Variants in LHFPL2 observed in about 807,000 individuals in gnomAD.
The protein encoded by LHFPL2 is LHFPL tetraspan subfamily member 2 protein.
Under a neutral mutation model 17.5 loss-of-function variants are expected in LHFPL2, and 7 were observed. The ratio of observed to expected loss-of-function variants is 0.40; its 90% CI spans 0.23 to 0.75. The LOEUF is 0.75. LHFPL2 is among the 30% of genes least tolerant of loss of function. The pLI, the probability that LHFPL2 is intolerant of heterozygous loss-of-function variation, is 0.37. For synonymous variants in LHFPL2, 134 were observed against 116.2 expected (o/e 1.15, Z -0.99); for missense variants, 241 against 294.8 (o/e 0.82, Z 1.34).
Position 78,584,315 on chromosome 5 carries a change from G to A in LHFPL2, c.-244-19444C>T, listed in dbSNP as rs1237289998. 1.3e-3 allele frequency among the ~76,000 whole-genome samples: 194 copies of A among 152,128 alleles called. 1 individual carries two copies. Among genetic ancestry groups the A allele is most frequent in the Admixed American group, 1.7e-3 (26 of 15,282 alleles). On this transcript the variant is annotated intron_variant, in intron 2 of 4. Transcript: ENST00000380345. Reference sequence around the variant, plus strand: ...GTCATTCTCCATCCAGCTTTGTTCCGTTGCTGGTGAGGAACTGCATTCCTT... The same window carrying A: ...GTCATTCTCCATCCAGCTTTGTTCCATTGCTGGTGAGGAACTGCATTCCTT...
chr5:78,647,721 A>G (rs145254211), intron 1 of LHFPL2, among the ~76,000 whole-genome samples: 3 of 152,268 alleles, frequency 2.0e-5, no homozygotes, highest in African/African-American at 7.2e-5. Flanking sequence ...ATGGACTTTC[A>G]TGGAACTCAT....
At position 78,635,727 on chromosome 5, in the gene LHFPL2, C is replaced by T. The variant is rs182925016; in HGVS notation, c.-349-3359G>A. On this transcript the variant is annotated intron_variant, in intron 1 of 4. Coordinates refer to ENST00000380345, the MANE Select transcript of LHFPL2 (RefSeq NM_005779.3). ...CTGAGGCAGGAGAATGGTGTGAACC[C>T]GGGAGGCAGAGCTTGCAGTGAGCCG... Among the ~76,000 whole-genome samples, 1,339 of 152,188 alleles carry T rather than the reference C, an allele frequency of 8.8e-3. 8 individuals are homozygous for T. Among genetic ancestry groups the T allele is most frequent in the Non-Finnish European group, 0.015 (1,031 of 68,000 alleles).
intron 3 of LHFPL2, among the ~76,000 whole-genome samples, chr5:78,541,733 A>G (rs538981048): frequency 2.2e-4 from 33 of 152,324 alleles, no homozygotes; most frequent in African/African-American, 7.9e-4. Flanking sequence ...ACATAAATCC[A>G]TAAAATACTG....
In LHFPL2 at chr5:78,564,258, C is replaced by CA. The variant is rs1259626427; in HGVS notation, c.-186+554dup. On this transcript the variant is annotated intron_variant, in intron 3 of 4. Coordinates refer to ENST00000380345, the MANE Select transcript of LHFPL2 (RefSeq NM_005779.3). ...TTGATTTTCTTAAATGTGTACTGTACAAGATTACTCAACCTCTATTATCGT... is the reference window on the plus strand; with the variant it reads ...TTGATTTTCTTAAATGTGTACTGTACAAAGATTACTCAACCTCTATTATCGT... Among the ~76,000 whole-genome samples, 3 of 152,128 alleles carry CA rather than the reference C, an allele frequency of 2.0e-5. No individual in the cohort carries two copies. The East Asian group carries it at 5.8e-4, about 29-fold the overall frequency.
At chr5:78,642,589 C>T (rs1745708683) in intron 1 of LHFPL2, among the ~76,000 whole-genome samples, 1 of 152,126 alleles carries the variant, frequency 6.6e-6, no homozygotes, top group South Asian at 2.1e-4. Context: ...AGTTAGTAAA[C>T]CTCAACACGC....
intron 3 of LHFPL2, among the ~76,000 whole-genome samples, chr5:78,520,642 C>T (rs947097141): frequency 2.7e-5 from 4 of 150,714 alleles, no homozygotes; most frequent in Non-Finnish European, 5.9e-5. Flanking sequence ...GCAGCCATGG[C>T]CAGGGCACAC....
chr5:78,554,969 A>G (rs1756534891), intron 3 of LHFPL2, among the ~76,000 whole-genome samples: 3 of 152,224 alleles, frequency 2.0e-5, no homozygotes, highest in South Asian at 4.1e-4. Context: ...ACAAATCATC[A>G]TATTTTCATC....
chr5:78,569,457 G>A lies in LHFPL2; in HGVS notation c.-244-4586C>T, dbSNP rs577099373. Among the ~76,000 whole-genome samples the A allele has an allele frequency of 1.2e-4, 18 of 152,278 alleles. No homozygotes were observed. In the South Asian group the frequency reaches 1.2e-3, roughly 11 times the overall value. ...CATTTCTGCAGCCAAAGCATTAATCGTTGCTCCAGAACTAGGCTGGTGTAA... is the reference window on the plus strand; with the variant it reads ...CATTTCTGCAGCCAAAGCATTAATCATTGCTCCAGAACTAGGCTGGTGTAA... On this transcript the variant is annotated intron_variant, in intron 2 of 4. Coordinates refer to ENST00000380345, the MANE Select transcript of LHFPL2 (RefSeq NM_005779.3).
chr5:78,570,204 A>C (rs1359114591), intron 2 of LHFPL2, among the ~76,000 whole-genome samples: 5 of 152,236 alleles, frequency 3.3e-5, no homozygotes, highest in African/African-American at 1.2e-4. Flanking sequence ...TTTACTGAAT[A>C]AACAAAAGGA....
intron 3 of LHFPL2, among the ~76,000 whole-genome samples, chr5:78,547,199 A>G (rs1333458066): frequency 6.6e-6 from 1 of 152,150 alleles, no homozygotes; most frequent in Non-Finnish European, 1.5e-5. Context: ...GAACCCTAAG[A>G]GGCTCACCGG....
chr5:78,610,976 A>T (rs1744405993), intron 2 of LHFPL2, among the ~76,000 whole-genome samples: 1 of 152,166 alleles, frequency 6.6e-6, no homozygotes, highest in Admixed American at 6.5e-5. Flanking sequence ...AGCCACAGGC[A>T]CAGGGAGTGG....
chr5:78,526,494 C>T (rs1755625071), intron 3 of LHFPL2, among the ~76,000 whole-genome samples: 1 of 152,210 alleles, frequency 6.6e-6, no homozygotes, highest in African/African-American at 2.4e-5. Context: ...TTCTTCTGAA[C>T]CCATGTTATA....
At chr5:78,579,117 C>T (rs10077632) in intron 2 of LHFPL2, among the ~76,000 whole-genome samples, 56,938 of 151,978 alleles carry the variant, frequency 0.37, 11,467 homozygotes, top group Middle Eastern at 0.47. Context: ...GCAAAAGAAA[C>T]AGATGAAAAT....
At chr5:78,637,667 T>C (rs1745503491) in intron 1 of LHFPL2, among the ~76,000 whole-genome samples, 1 of 152,234 alleles carries the variant, frequency 6.6e-6, no homozygotes, top group African/African-American at 2.4e-5. Context: ...GCCTATTCCA[T>C]AGTCTCTTTC....
At chr5:78,560,101 A>T (rs950866241) in intron 3 of LHFPL2, among the ~76,000 whole-genome samples, 20 of 152,222 alleles carry the variant, frequency 1.3e-4, no homozygotes, top group African/African-American at 4.8e-4. Flanking sequence ...GGCACCAACT[A>T]CAGAGGAACA....
chr5:78,531,473 A>T (rs963109658), intron 3 of LHFPL2, among the ~76,000 whole-genome samples: 4 of 152,154 alleles, frequency 2.6e-5, no homozygotes, highest in African/African-American at 9.7e-5. Context: ...TTTTAAAATA[A>T]AGATAGCATC....
At chr5:78,514,937 T>C (rs1056726460) in intron 3 of LHFPL2, among the ~76,000 whole-genome samples, 1 of 152,214 alleles carries the variant, frequency 6.6e-6, no homozygotes, top group Non-Finnish European at 1.5e-5. Context: ...TTTCCCGTAT[T>C]TGTTCCATCA....
At chr5:78,543,689 G>A (rs1244006105) in intron 3 of LHFPL2, among the ~76,000 whole-genome samples, 1 of 152,168 alleles carries the variant, frequency 6.6e-6, no homozygotes, top group African/African-American at 2.4e-5. Flanking sequence ...AGGATACAGG[G>A]GACCAAGGTG....
chr5:78,523,274 T>C (rs910169005), intron 3 of LHFPL2, among the ~76,000 whole-genome samples: 1 of 152,156 alleles, frequency 6.6e-6, no homozygotes, highest in Non-Finnish European at 1.5e-5. Context: ...CTCGTACCCA[T>C]TCGAATTCAC....
Sources: gnomAD v4.1 joint callset for allele counts (sites outside exome capture counted in the v4.1 genomes callset) on GRCh38, gnomAD v4.1.1 for gene constraint, MANE v1.5 for transcripts, NCBI Gene and HGNC (gene_info 2026-07-23, HGNC 2026-07-21) for gene names.